NXPH1: variants seen among roughly 807,000 people sequenced by gnomAD.
NXPH1 encodes the protein neurexophilin 1.
In NXPH1, 5 loss-of-function variants were observed where a neutral mutation model predicts 23.7. That is an observed-to-expected ratio of 0.21 (90% CI 0.11 to 0.44). NXPH1 has a LOEUF of 0.44. Among genes scored for constraint, NXPH1 ranks in the 20% least tolerant of loss-of-function variants. NXPH1 has a pLI of 0.99. For synonymous variants in NXPH1, 144 were observed against 122.2 expected (o/e 1.18, Z -1.18); for missense variants, 324 against 321.6 (o/e 1.01, Z -0.06).
At chr7:8,701,620 G>T (rs1779624435) in intron 2 of NXPH1, among the ~76,000 whole-genome samples, 1 of 152,028 alleles carries the variant, frequency 6.6e-6, no homozygotes, top group Non-Finnish European at 1.5e-5. Context: ...CTTTTCAAGG[G>T]CTTTCAGGTA....
chr7:8,667,461 G>GT (rs71017614), intron 2 of NXPH1, among the ~76,000 whole-genome samples: 4,768 of 145,552 alleles, frequency 0.033, 248 homozygotes, highest in African/African-American at 0.11. Context: ...TTGGTTGACA[G>GT]TTTTTTTTTT....
intron 2 of NXPH1, among the ~76,000 whole-genome samples, chr7:8,739,848 C>T (rs1201042319): frequency 6.6e-6 from 1 of 152,064 alleles, no homozygotes; most frequent in Non-Finnish European, 1.5e-5. Flanking sequence ...AATGAAGACA[C>T]AAGCACACAT....
intron 2 of NXPH1, among the ~76,000 whole-genome samples, chr7:8,722,875 G>A (rs1484546317): frequency 6.6e-6 from 1 of 152,024 alleles, no homozygotes; most frequent in Non-Finnish European, 1.5e-5. Flanking sequence ...ATGTTCAATG[G>A]CCCCTTCCAG....
At chr7:8,663,076 A>G (rs995978653) in intron 2 of NXPH1, among the ~76,000 whole-genome samples, 14 of 152,084 alleles carry the variant, frequency 9.2e-5, no homozygotes, top group Non-Finnish European at 1.6e-4. Context: ...CCTACAGAGG[A>G]TTGATGACAA....
intron 2 of NXPH1, among the ~76,000 whole-genome samples, chr7:8,594,803 C>G (rs926544573): frequency 6.6e-6 from 1 of 151,974 alleles, no homozygotes; most frequent in Non-Finnish European, 1.5e-5. Flanking sequence ...AATGCCGCTT[C>G]CAATTGGCAT....
At chr7:8,681,483 G>A (rs1821047956) in intron 2 of NXPH1, among the ~76,000 whole-genome samples, 1 of 151,982 alleles carries the variant, frequency 6.6e-6, no homozygotes, top group African/African-American at 2.4e-5. Context: ...CTCAGAGTGG[G>A]GAAAGTCCAT....
chr7:8,479,846 A>T (rs962246315), intron 2 of NXPH1, among the ~76,000 whole-genome samples: 10 of 152,152 alleles, frequency 6.6e-5, no homozygotes, highest in Non-Finnish European at 7.4e-5. Context: ...AAATAAGTTA[A>T]ATGTGTGAGT....
chr7:8,441,457 T>C (rs942214160), intron 2 of NXPH1, among the ~76,000 whole-genome samples: 5 of 152,060 alleles, frequency 3.3e-5, no homozygotes, highest in African/African-American at 1.2e-4. Context: ...TGAAGGAATG[T>C]GACAATAAAG....
intron 2 of NXPH1, among the ~76,000 whole-genome samples, chr7:8,613,611 C>T (rs2128630007): frequency 1.3e-5 from 2 of 151,980 alleles, no homozygotes; most frequent in South Asian, 4.2e-4. Context: ...TAAAAAGGGA[C>T]CAGCAACCAT....
Position 8,751,390 on chromosome 7 carries a change from A to G in NXPH1, c.437A>G (p.Asn146Ser), listed in dbSNP as rs1303795896. The G allele has an allele frequency of 1.2e-6, 2 of 1,613,910 alleles. No homozygotes were observed. The highest frequency in any genetic ancestry group is 2.2e-5 in the South Asian group (2 of 91,090). ...LITGKIVDHG[N>S]GTFSVYFRHN... is the part of the protein sequence containing the mutation. Reference sequence around the variant, plus strand: ...ACTGGGAAAATTGTAGATCATGGCAATGGGACATTTAGTGTTTATTTCAGG... The same window carrying G: ...ACTGGGAAAATTGTAGATCATGGCAGTGGGACATTTAGTGTTTATTTCAGG... The change falls in exon 3 of 3, where the codon AAT (asparagine) becomes AGT (serine). Residue 146 changes from asparagine to serine, a missense_variant. Coordinates refer to ENST00000405863, the MANE Select transcript of NXPH1 (RefSeq NM_152745.3). This position sits in a 1 kb window ranked among gnomAD's most constrained non-coding sequence, Gnocchi z 4.5.
In NXPH1 at chr7:8,611,453, G is replaced by C. The variant is rs76808773; in HGVS notation, c.55-139555G>C. ...CTCTGAAGAAATGAGCATAAAGTAA[G>C]AATATTGACAGAGGAAGGGAGACAG... On this transcript the variant is annotated intron_variant, in intron 2 of 2. Transcript: ENST00000405863. 3.6e-3 allele frequency among the ~76,000 whole-genome samples: 546 copies of C among 152,240 alleles called. 4 individuals are homozygous for C. The highest frequency in any genetic ancestry group is 7.3e-3 in the Admixed American group (111 of 15,260).
chr7:8,588,565 G>A (rs1409690462), intron 2 of NXPH1, among the ~76,000 whole-genome samples: 1 of 152,128 alleles, frequency 6.6e-6, no homozygotes, highest in African/African-American at 2.4e-5. Context: ...AGGCTCCCAG[G>A]CTTTAATTTC....
intron 2 of NXPH1, among the ~76,000 whole-genome samples, chr7:8,717,096 C>CA (rs1189979646): frequency 3.9e-5 from 6 of 152,146 alleles, no homozygotes; most frequent in African/African-American, 1.4e-4. Flanking sequence ...TTCTCTTACT[C>CA]AAGTACTTCT....
chr7:8,591,974 T>C (rs1165351679), intron 2 of NXPH1, among the ~76,000 whole-genome samples: 3 of 151,950 alleles, frequency 2.0e-5, no homozygotes, highest in African/African-American at 7.2e-5. Flanking sequence ...TTATCATCTT[T>C]CAGTCTTCTA....
chr7:8,527,001 C>A (rs1817871995), intron 2 of NXPH1, among the ~76,000 whole-genome samples: 1 of 152,088 alleles, frequency 6.6e-6, no homozygotes, highest in Admixed American at 6.5e-5. Flanking sequence ...GATAATATCT[C>A]ACCAGAAATT....
rs1780571153 is a variant in NXPH1, at chr7:8,751,914, A to AAAAC, written c.*147_*150dup. The stretch of plus-strand genomic sequence containing the variant: ...AACTGGCTGCAAAATACACTAGTGG[A>AAAAC]AAACACTCTGATGTAATTTCTGCCC... On this transcript the variant is annotated 3_prime_UTR_variant, in exon 3 of 3. Transcript: ENST00000405863. The surrounding 1 kb of genome is among the most constrained non-coding windows in gnomAD (Gnocchi z 4.5). 5.7e-6 allele frequency: 4 copies of AAAAC among 703,980 alleles called. No homozygotes were observed. In the South Asian group the frequency reaches 8.4e-5, roughly 15 times the overall value. 43.6% of individuals were successfully genotyped at this position (703,980 alleles called of 1,614,324 possible).
At chr7:8,566,285 T>A (rs1171662007) in intron 2 of NXPH1, among the ~76,000 whole-genome samples, 1 of 151,844 alleles carries the variant, frequency 6.6e-6, no homozygotes, top group Admixed American at 6.6e-5. Context: ...TGGAGGACCA[T>A]GAAATTGTTC....
intron 2 of NXPH1, among the ~76,000 whole-genome samples, chr7:8,448,335 G>C (rs536050293): frequency 6.6e-6 from 1 of 152,206 alleles, no homozygotes; most frequent in Non-Finnish European, 1.5e-5. Context: ...AAGGGTTTCC[G>C]GACCAGGTTC....
chr7:8,737,973 T>C (rs1780291049), intron 2 of NXPH1, among the ~76,000 whole-genome samples: 1 of 152,262 alleles, frequency 6.6e-6, no homozygotes, highest in Non-Finnish European at 1.5e-5. Flanking sequence ...GCTGTGTTTT[T>C]CAGCTCCATC....
Sources: gnomAD v4.1 joint callset for allele counts (sites outside exome capture counted in the v4.1 genomes callset) on GRCh38, gnomAD v4.1.1 for gene constraint, Gnocchi (gnomAD v3.1) non-coding constraint, MANE v1.5 for transcripts, NCBI Gene and HGNC (gene_info 2026-07-23, HGNC 2026-07-21) for gene names.